The following ZFPM2 variants were observed in gnomAD, a reference collection of about 807,000 sequenced individuals.
ZFPM2 encodes the protein zinc finger protein, FOG family member 2.
A neutral mutation model predicts 98.6 loss-of-function variants in ZFPM2; 20 were observed. The ratio of observed to expected loss-of-function variants is 0.20; its 90% CI spans 0.14 to 0.29. The LOEUF is 0.29. Among genes scored for constraint, ZFPM2 ranks in the 10% least tolerant of loss-of-function variants. ZFPM2 has a pLI of 1.00. For missense variants in ZFPM2, 1,310 were observed against 1,388.6 expected, an observed-to-expected ratio of 0.94 and a Z score of 0.90; for synonymous variants, 518 against 502.7, an observed-to-expected ratio of 1.03 and a Z score of -0.41.
At chr8:105,789,516 C>G (rs369223690) in intron 6 of ZFPM2, among the ~76,000 whole-genome samples, 3 of 152,054 alleles carry the variant, frequency 2.0e-5, no homozygotes, top group South Asian at 4.2e-4. Flanking sequence ...CCAAGTCTTT[C>G]CTATTGTGAA....
chr8:105,731,826 A>G (rs1488720383), intron 5 of ZFPM2, among the ~76,000 whole-genome samples: 1 of 151,818 alleles, frequency 6.6e-6, no homozygotes. Flanking sequence ...TCAAAGGAAA[A>G]TGATGTCATA....
intron 5 of ZFPM2, among the ~76,000 whole-genome samples, chr8:105,753,284 T>G (rs1333981030): frequency 1.3e-5 from 2 of 152,074 alleles, no homozygotes; most frequent in Non-Finnish European, 2.9e-5. Flanking sequence ...AAGTCTGACT[T>G]TTAGCACTTG....
At chr8:105,736,026 G>C (rs1165012783) in intron 5 of ZFPM2, among the ~76,000 whole-genome samples, 2 of 151,806 alleles carry the variant, frequency 1.3e-5, no homozygotes, top group African/African-American at 4.8e-5. Flanking sequence ...TTTATAAACT[G>C]TTAAAGATAT....
intron 5 of ZFPM2, among the ~76,000 whole-genome samples, chr8:105,721,040 C>A (rs142821184): frequency 7.5e-4 from 114 of 151,884 alleles, no homozygotes; most frequent in African/African-American, 2.1e-3. Context: ...TTTTAGCGAC[C>A]CATGCAGGCA....
At chr8:105,355,932 T>G (rs566913876) in intron 1 of ZFPM2, among the ~76,000 whole-genome samples, 1 of 152,350 alleles carries the variant, frequency 6.6e-6, no homozygotes, top group African/African-American at 2.4e-5. Context: ...AATGTATGCT[T>G]CTTGTACTGA....
At chr8:105,485,077 G>T (rs1212373489) in intron 3 of ZFPM2, among the ~76,000 whole-genome samples, 2 of 152,128 alleles carry the variant, frequency 1.3e-5, no homozygotes, top group African/African-American at 4.8e-5. Flanking sequence ...AAGCTTCCCT[G>T]GTAACTTTAT....
intron 3 of ZFPM2, among the ~76,000 whole-genome samples, chr8:105,515,660 A>G (rs1813903465): frequency 6.6e-6 from 1 of 152,206 alleles, no homozygotes; most frequent in Admixed American, 6.5e-5. Flanking sequence ...TAAAAATGGC[A>G]AAGGATTATG....
chr8:105,644,492 C>G (rs1563755584), intron 5 of ZFPM2, among the ~76,000 whole-genome samples: 1 of 151,684 alleles, frequency 6.6e-6, no homozygotes, highest in African/African-American at 2.4e-5. Flanking sequence ...CTAAAATGCT[C>G]TGTCTCTCTC....
intron 5 of ZFPM2, among the ~76,000 whole-genome samples, chr8:105,687,669 A>T (rs1432695492): frequency 6.6e-6 from 1 of 152,164 alleles, no homozygotes; most frequent in African/African-American, 2.4e-5. Flanking sequence ...CATAAATCAA[A>T]TAGATGAAAT....
intron 5 of ZFPM2, among the ~76,000 whole-genome samples, chr8:105,710,949 A>G (rs1811378544): frequency 6.6e-6 from 1 of 151,944 alleles, no homozygotes; most frequent in South Asian, 2.1e-4. Context: ...TTACATTGTG[A>G]TGTTGCTTCA....
At position 105,444,012 on chromosome 8, in the gene ZFPM2, T is replaced by C. The variant is rs139854337; in HGVS notation, c.200-268T>C. Among the ~76,000 whole-genome samples, 276 of 152,316 alleles carry C rather than the reference T, an allele frequency of 1.8e-3. 2 individuals are homozygous for C. Among genetic ancestry groups the C allele is most frequent in the Admixed American group, 3.2e-3 (49 of 15,304 alleles). On this transcript the variant is annotated intron_variant, in intron 2 of 7. Coordinates refer to ENST00000407775, the MANE Select transcript of ZFPM2 (RefSeq NM_012082.4). Reference sequence around the variant, plus strand: ...CAATTTCATTTTCTTCTTATATATATTAATAACTCCAAAGGAAAATTTACA... The same window carrying C: ...CAATTTCATTTTCTTCTTATATATACTAATAACTCCAAAGGAAAATTTACA...
intron 1 of ZFPM2, among the ~76,000 whole-genome samples, chr8:105,379,172 T>A (rs1248730566): frequency 9.2e-5 from 14 of 152,232 alleles, no homozygotes; most frequent in Non-Finnish European, 2.9e-5. Flanking sequence ...TGTTAATTTC[T>A]ACATTTGGCA....
intron 5 of ZFPM2, among the ~76,000 whole-genome samples, chr8:105,722,650 A>G (rs1811694802): frequency 1.3e-5 from 2 of 151,854 alleles, no homozygotes; most frequent in Admixed American, 1.3e-4. Context: ...CATTTAGTGG[A>G]AGTGGGTCAT....
At chr8:105,639,403 C>G (rs1255629569) in intron 5 of ZFPM2, among the ~76,000 whole-genome samples, 1 of 152,018 alleles carries the variant, frequency 6.6e-6, no homozygotes, top group Admixed American at 6.6e-5. Flanking sequence ...TAGCCACATT[C>G]TCTAGGTCTC....
intron 1 of ZFPM2, among the ~76,000 whole-genome samples, chr8:105,382,102 T>C (rs1241191852): frequency 1.3e-5 from 2 of 152,112 alleles, no homozygotes; most frequent in Admixed American, 6.6e-5. Flanking sequence ...TTAGAGATGG[T>C]TGAAATTTTT....
At chr8:105,523,122 AT>A (rs1047729181) in intron 3 of ZFPM2, among the ~76,000 whole-genome samples, 9 of 152,096 alleles carry the variant, frequency 5.9e-5, no homozygotes, top group East Asian at 3.9e-4. Context: ...TGTCTTACAT[AT>A]TTTTTTTGAG....
intron 3 of ZFPM2, among the ~76,000 whole-genome samples, chr8:105,522,864 T>G (rs1814093517): frequency 6.6e-6 from 1 of 152,228 alleles, no homozygotes; most frequent in Non-Finnish European, 1.5e-5. Flanking sequence ...TTGAAAGCTT[T>G]TGTGTGAAAC....
At chr8:105,577,251 A>G (rs907432058) in intron 4 of ZFPM2, among the ~76,000 whole-genome samples, 1 of 152,158 alleles carries the variant, frequency 6.6e-6, no homozygotes, top group African/African-American at 2.4e-5. Context: ...ATAGAACTGA[A>G]TTCTGTCCAT....
chr8:105,727,288 C>T (rs775831263), intron 5 of ZFPM2, among the ~76,000 whole-genome samples: 13 of 150,950 alleles, frequency 8.6e-5, no homozygotes, highest in Non-Finnish European at 1.3e-4. Context: ...ATGATCATGC[C>T]GGTTAATAGT....
Sources: gnomAD v4.1 joint callset for allele counts (sites outside exome capture counted in the v4.1 genomes callset) on GRCh38, gnomAD v4.1.1 for gene constraint, MANE v1.5 for transcripts, NCBI Gene and HGNC (gene_info 2026-07-23, HGNC 2026-07-21) for gene names.